The following CCSER1 variants were observed in gnomAD, a reference collection of about 807,000 sequenced individuals.
The protein encoded by CCSER1 is serine-rich coiled-coil domain-containing protein 1.
Under a neutral mutation model 82.0 loss-of-function variants are expected in CCSER1, and 41 were observed. That is an observed-to-expected ratio of 0.50 (90% confidence interval 0.39 to 0.65). The LOEUF (loss-of-function observed/expected upper bound fraction) is 0.65. Ranked by LOEUF, CCSER1 falls within the 30% of genes least tolerant of loss-of-function variation. The pLI is 0.00. For synonymous variants in CCSER1, 414 were observed against 383.9 expected (o/e 1.08, Z -0.92); for missense variants, 1,119 against 1,064.2 (o/e 1.05, Z -0.72).
Position 91,167,293 on chromosome 4 carries a change from T to C in CCSER1, c.2217+81299T>C, listed in dbSNP as rs186108883. The stretch of plus-strand genomic sequence containing the variant: ...CCTTTGCCTCGTGGGTTCAAGCAAT[T>C]CCCTGCCTCAGCCTCCCGAGTAGCT... On this transcript the variant is annotated intron_variant, in intron 10 of 10. Coordinates refer to ENST00000509176, the MANE Select transcript of CCSER1 (RefSeq NM_001145065.2). 3.0e-3 allele frequency among the ~76,000 whole-genome samples: 456 copies of C among 149,946 alleles called. 1 individual carries two copies. The highest frequency in any genetic ancestry group is 4.6e-3 in the Non-Finnish European group (310 of 67,712).
intron 10 of CCSER1, among the ~76,000 whole-genome samples, chr4:91,148,178 C>G (rs760055225): frequency 2.6e-5 from 4 of 152,162 alleles, no homozygotes; most frequent in South Asian, 4.2e-4. Flanking sequence ...TCATAGCAAC[C>G]CTTAAAGATA....
At chr4:90,196,890 A>C (rs897790195) in intron 1 of CCSER1, among the ~76,000 whole-genome samples, 1 of 152,030 alleles carries the variant, frequency 6.6e-6, no homozygotes, top group Non-Finnish European at 1.5e-5. Context: ...TTTTCCATAC[A>C]TCAAGCCATC....
At chr4:91,053,367 A>G (rs904792557) in intron 9 of CCSER1, among the ~76,000 whole-genome samples, 6 of 152,192 alleles carry the variant, frequency 3.9e-5, no homozygotes, top group African/African-American at 1.4e-4. Context: ...AATTCCATGC[A>G]ATGACTGTAC....
At chr4:90,947,568 C>G (rs1732407607) in intron 9 of CCSER1, among the ~76,000 whole-genome samples, 1 of 152,096 alleles carries the variant, frequency 6.6e-6, no homozygotes, top group Non-Finnish European at 1.5e-5. Context: ...TTGCCTGGAA[C>G]TTGTTGATAT....
intron 1 of CCSER1, among the ~76,000 whole-genome samples, chr4:90,276,251 T>TTTCTTTCTTTCTTCCCTTCCTTCC (rs1727659770): frequency 1.7e-4 from 13 of 76,848 alleles, no homozygotes; most frequent in African/African-American, 6.1e-4. Context: ...TCTTTCTTTC[T>TTTCTTTCTTTCTTCCCTTCCTTCC]TTCCTTCCTT....
At chr4:90,389,732 T>G (rs776182125) in intron 3 of CCSER1, among the ~76,000 whole-genome samples, 29 of 152,194 alleles carry the variant, frequency 1.9e-4, no homozygotes, top group Non-Finnish European at 3.5e-4. Context: ...TGTAACTATC[T>G]TCTACTTAAG....
intron 10 of CCSER1, among the ~76,000 whole-genome samples, chr4:91,280,153 C>A (rs1358073949): frequency 3.9e-5 from 6 of 152,176 alleles, no homozygotes; most frequent in Non-Finnish European, 7.3e-5. Flanking sequence ...GACAAGCATG[C>A]CTGTCCTTGA....
At chr4:91,423,091 G>C (rs965181294) in intron 10 of CCSER1, among the ~76,000 whole-genome samples, 1 of 151,938 alleles carries the variant, frequency 6.6e-6, no homozygotes, top group Non-Finnish European at 1.5e-5. Context: ...TATTTCATTA[G>C]AAAAACATGC....
At chr4:90,740,789 C>T (rs1179188391) in intron 7 of CCSER1, among the ~76,000 whole-genome samples, 1 of 152,060 alleles carries the variant, frequency 6.6e-6, no homozygotes, top group Non-Finnish European at 1.5e-5. Flanking sequence ...TTAAGTAGTA[C>T]TGATAGAAAA....
chr4:90,279,040 T>A (rs1337982537), intron 1 of CCSER1, among the ~76,000 whole-genome samples: 6 of 152,108 alleles, frequency 3.9e-5, no homozygotes, highest in Admixed American at 3.9e-4. Flanking sequence ...TTATTGCCCA[T>A]GTTTTACATT....
intron 5 of CCSER1, among the ~76,000 whole-genome samples, chr4:90,491,676 T>G (rs1467169014): frequency 6.6e-6 from 1 of 152,168 alleles, no homozygotes. Context: ...CTCTTATTAT[T>G]TTGAGAGACG....
chr4:91,595,411 TC>T (rs1764517523), intron 10 of CCSER1, among the ~76,000 whole-genome samples: 1 of 152,170 alleles, frequency 6.6e-6, no homozygotes, highest in African/African-American at 2.4e-5. Flanking sequence ...AAAGTGACTT[TC>T]TTTTTAAAAT....
At chr4:91,594,177 T>C (rs1764408273) in intron 10 of CCSER1, among the ~76,000 whole-genome samples, 1 of 151,838 alleles carries the variant, frequency 6.6e-6, no homozygotes, top group African/African-American at 2.4e-5. Flanking sequence ...TGCATTAAAA[T>C]TACCTTCAGG....
At chr4:91,177,031 G>A (rs1029404769) in intron 10 of CCSER1, among the ~76,000 whole-genome samples, 1 of 152,122 alleles carries the variant, frequency 6.6e-6, no homozygotes, top group Non-Finnish European at 1.5e-5. Context: ...AGCATGAAGG[G>A]CTGTTGAATT....
intron 10 of CCSER1, among the ~76,000 whole-genome samples, chr4:91,510,831 TC>T (rs1759779427): frequency 6.6e-6 from 1 of 152,152 alleles, no homozygotes; most frequent in Non-Finnish European, 1.5e-5. Context: ...GTCCCACAGG[TC>T]AATTTTTGTT....
intron 8 of CCSER1, among the ~76,000 whole-genome samples, chr4:90,851,111 A>G (rs1389863590): frequency 1.3e-5 from 2 of 152,148 alleles, no homozygotes; most frequent in South Asian, 2.1e-4. Flanking sequence ...TTCCACCACG[A>G]TTGTTAAGTT....
intron 10 of CCSER1, among the ~76,000 whole-genome samples, chr4:91,310,534 A>G (rs1159279270): frequency 6.6e-6 from 1 of 151,958 alleles, no homozygotes; most frequent in African/African-American, 2.4e-5. Flanking sequence ...GATGAGCATG[A>G]CCATTCCAGA....
chr4:90,824,855 A>G (rs895196686), intron 8 of CCSER1, among the ~76,000 whole-genome samples: 1 of 152,216 alleles, frequency 6.6e-6, no homozygotes, highest in Non-Finnish European at 1.5e-5. Flanking sequence ...CTTAAACATT[A>G]TTAAAGTGTC....
intron 1 of CCSER1, among the ~76,000 whole-genome samples, chr4:90,230,783 A>G (rs1416568209): frequency 6.6e-6 from 1 of 152,094 alleles, no homozygotes; most frequent in South Asian, 2.1e-4. Context: ...AAAATGATAA[A>G]GGGGATATCA....
Sources: gnomAD v4.1 joint callset for allele counts (sites outside exome capture counted in the v4.1 genomes callset) on GRCh38, gnomAD v4.1.1 for gene constraint, MANE v1.5 for transcripts, NCBI Gene and HGNC (gene_info 2026-07-23, HGNC 2026-07-21) for gene names.